Variants in MSH3 observed in about 807,000 individuals in gnomAD.
MSH3 encodes mutS homolog 3, also known as DNA mismatch repair protein Msh3.
In MSH3, 106 loss-of-function variants were observed where a neutral mutation model predicts 123.3. The observed-to-expected ratio is 0.86, with a 90% CI of 0.73 to 1.01. MSH3 has a LOEUF of 1.01. Ranked by LOEUF, MSH3 falls within the 50% of genes least tolerant of loss-of-function variation. MSH3 has a pLI of 0.00. For missense variants in MSH3, 1,459 were observed against 1,347.6 expected (o/e 1.08, Z -1.29); for synonymous variants, 515 against 481.4 (o/e 1.07, Z -0.91).
chr5:80,865,706 T>C (rs942607944), intron 22 of MSH3, among the ~76,000 whole-genome samples: 3 of 152,196 alleles, frequency 2.0e-5, no homozygotes, highest in African/African-American at 7.2e-5. Flanking sequence ...CACCAGCCTG[T>C]AGTCCTGTGG....
chr5:80,840,252 C>A (rs1404265997), intron 20 of MSH3, among the ~76,000 whole-genome samples: 1 of 152,052 alleles, frequency 6.6e-6, no homozygotes, highest in African/African-American at 2.4e-5. Context: ...GTATATCATT[C>A]TAAGGTACTA....
chr5:80,793,557 C>T (rs1265362927), intron 19 of MSH3, among the ~76,000 whole-genome samples: 1 of 152,000 alleles, frequency 6.6e-6, no homozygotes, highest in Non-Finnish European at 1.5e-5. Context: ...GGAGGAGATA[C>T]CAACTGAAGA....
chr5:80,670,573 A>G (rs888996527), intron 4 of MSH3, among the ~76,000 whole-genome samples: 1 of 152,212 alleles, frequency 6.6e-6, no homozygotes, highest in South Asian at 2.1e-4. Flanking sequence ...TTATCCATCC[A>G]AAGTTAATTG....
intron 20 of MSH3, among the ~76,000 whole-genome samples, chr5:80,832,312 T>C: frequency 6.6e-6 from 1 of 151,946 alleles, no homozygotes; most frequent in Admixed American, 6.6e-5. Context: ...CTCTTTCTGT[T>C]TCTGATGAAA....
At chr5:80,696,396 C>G (rs1388653555) in intron 8 of MSH3, among the ~76,000 whole-genome samples, 3 of 152,158 alleles carry the variant, frequency 2.0e-5, no homozygotes, top group Non-Finnish European at 4.4e-5. Flanking sequence ...TTCTCTGATG[C>G]TTGGCTAGAG....
At chr5:80,816,808 C>T (rs1221259205) in intron 20 of MSH3, among the ~76,000 whole-genome samples, 1 of 152,158 alleles carries the variant, frequency 6.6e-6, no homozygotes, top group Non-Finnish European at 1.5e-5. Flanking sequence ...TCAGAGATGA[C>T]ATTGAGTTTG....
intron 15 of MSH3, 68 bp from the exon 16 acceptor site, chr5:80,775,626 T>G: frequency 1.1e-6 from 1 of 909,216 alleles, no homozygotes; most frequent in Non-Finnish European, 1.8e-6. Context: ...TATACCACAA[T>G]TTGGGGAAAG....
intron 19 of MSH3, among the ~76,000 whole-genome samples, chr5:80,807,529 A>C (rs1744913362): frequency 6.6e-6 from 1 of 152,232 alleles, no homozygotes; most frequent in African/African-American, 2.4e-5. Flanking sequence ...GAAAATTGTG[A>C]GAAGTACCTC....
chr5:80,670,079 A>T lies in MSH3; in HGVS notation c.580-18A>T. The T allele has an allele frequency of 6.2e-7, 1 of 1,610,278 alleles. No individual in the cohort carries two copies. The highest frequency in any genetic ancestry group is 1.3e-5 in the African/African-American group (1 of 74,968). On this transcript the variant is annotated intron_variant, in intron 3 of 23. Transcript: ENST00000265081. ...GTGGTTAATATTTTTAAAACTTTATACATCTTTTGGTTGCCAGGACACAAC... is the reference window on the plus strand; with the variant it reads ...GTGGTTAATATTTTTAAAACTTTATTCATCTTTTGGTTGCCAGGACACAAC...
chr5:80,715,868 C>T (rs1035540486), intron 8 of MSH3, among the ~76,000 whole-genome samples: 1 of 152,140 alleles, frequency 6.6e-6, no homozygotes, highest in Admixed American at 6.5e-5. Flanking sequence ...GTCCCTGCTC[C>T]AGCACTGGGG....
rs140701944 is a variant in MSH3, at chr5:80,868,535, C to G, written c.3130+3593C>G. Among the ~76,000 whole-genome samples the G allele has an allele frequency of 1.8e-4, 27 of 147,782 alleles. 1 individual carries two copies. In the East Asian group the frequency reaches 5.4e-3, roughly 30 times the overall value. On this transcript the variant is annotated intron_variant, in intron 22 of 23. Transcript: ENST00000265081. ...TGCAGGAACAGAAAACCAAGTGTTG[C>G]ATGTTTCACTTATAAGTGGGAGTTA...
At chr5:80,743,390 T>G (rs1743652346) in intron 11 of MSH3, among the ~76,000 whole-genome samples, 1 of 152,170 alleles carries the variant, frequency 6.6e-6, no homozygotes, top group African/African-American at 2.4e-5. Context: ...GTCACACCTT[T>G]TCTAGTTGAT....
chr5:80,798,854 C>T (rs757891059), intron 19 of MSH3, among the ~76,000 whole-genome samples: 67 of 152,206 alleles, frequency 4.4e-4, no homozygotes, highest in Non-Finnish European at 8.2e-4. Context: ...TGGACTCACA[C>T]TGTTCCTGCA....
At position 80,875,962 on chromosome 5, in the gene MSH3, A is replaced by G. The variant is rs1275423037; in HGVS notation, c.*100A>G. On this transcript the variant is annotated 3_prime_UTR_variant, in exon 24 of 24. Coordinates refer to ENST00000265081, the MANE Select transcript of MSH3 (RefSeq NM_002439.5). ...GCCTATCTTTGTGTGACATGTGAGCATAAAATTATGACCATGGTATATTCC... is the reference window on the plus strand; with the variant it reads ...GCCTATCTTTGTGTGACATGTGAGCGTAAAATTATGACCATGGTATATTCC... 9 of 759,496 alleles carry G rather than the reference A, an allele frequency of 1.2e-5. No individual in the cohort carries two copies. Among genetic ancestry groups the G allele is most frequent in the East Asian group, 8.0e-5 (3 of 37,520 alleles). 47.0% of individuals were successfully genotyped at this position (759,496 alleles called of 1,614,324 possible).
chr5:80,718,760 G>A (rs1751015273), intron 8 of MSH3, among the ~76,000 whole-genome samples: 1 of 151,862 alleles, frequency 6.6e-6, no homozygotes, highest in African/African-American at 2.4e-5. Flanking sequence ...ATACTCAGTA[G>A]TGATGAACAA....
chr5:80,789,773 G>A (rs1744576709), intron 18 of MSH3, among the ~76,000 whole-genome samples: 1 of 152,138 alleles, frequency 6.6e-6, no homozygotes, highest in Admixed American at 6.5e-5. Context: ...GGTGTTATGA[G>A]TAAGTTCAGA....
chr5:80,780,978 T>A (rs1466311334), intron 17 of MSH3, among the ~76,000 whole-genome samples: 1 of 152,100 alleles, frequency 6.6e-6, no homozygotes, highest in Non-Finnish European at 1.5e-5. Context: ...ACAAAAAAGA[T>A]ATGTGAGAAT....
chr5:80,763,304 G>A (rs1744073687), intron 13 of MSH3, among the ~76,000 whole-genome samples: 1 of 152,220 alleles, frequency 6.6e-6, no homozygotes, highest in South Asian at 2.1e-4. Context: ...ACATGCCTCA[G>A]CTAAATTTGA....
chr5:80,691,749 G>A (rs962297412), intron 8 of MSH3, among the ~76,000 whole-genome samples: 1 of 144,404 alleles, frequency 6.9e-6, no homozygotes, highest in East Asian at 2.0e-4. Context: ...ATATGTGTGT[G>A]TATATATATA....
Sources: gnomAD v4.1 joint callset for allele counts (sites outside exome capture counted in the v4.1 genomes callset) on GRCh38, gnomAD v4.1.1 for gene constraint, MANE v1.5 for transcripts, NCBI Gene and HGNC (gene_info 2026-07-23, HGNC 2026-07-21) for gene names.